RASA2: variants seen among roughly 807,000 people sequenced by gnomAD.
The protein encoded by RASA2 is ras GTPase-activating protein 2.
In RASA2, 155 loss-of-function variants were observed where a neutral mutation model predicts 118.2. The observed-to-expected ratio is 1.31, with a 90% CI of 1.15 to 1.50. The LOEUF is 1.50. Among genes scored for constraint, RASA2 ranks in the 40% most tolerant of loss-of-function variants. The pLI is 0.00. For synonymous variants in RASA2, 353 were observed against 349.1 expected, an observed-to-expected ratio of 1.01 and a Z score of -0.12; for missense variants, 1,016 against 1,009.6, an observed-to-expected ratio of 1.01 and a Z score of -0.09.
At chr3:141,600,351 C>T in intron 19 of RASA2, 1 of 519,570 alleles carries the variant, frequency 1.9e-6, no homozygotes, top group South Asian at 1.5e-5. Flanking sequence ...TAAGCAATTG[C>T]ATGATGAGGG....
chr3:141,487,331 G>A (rs1369769972), intron 1 of RASA2, 115 bp downstream of exon 1: 9 of 1,155,292 alleles, frequency 7.8e-6, no homozygotes, highest in South Asian at 4.2e-5. Flanking sequence ...GGGCCCGGGA[G>A]GGGGCCTGGG....
intron 19 of RASA2, among the ~76,000 whole-genome samples, chr3:141,592,876 GAA>G (rs556617863): frequency 7.1e-6 from 1 of 141,698 alleles, no homozygotes; most frequent in Middle Eastern, 3.3e-3. Context: ...AACTGAACTT[GAA>G]AAAAAAAAAG....
At chr3:141,528,159 G>A (rs892366593) in intron 3 of RASA2, among the ~76,000 whole-genome samples, 9 of 151,486 alleles carry the variant, frequency 5.9e-5, no homozygotes, top group Non-Finnish European at 1.0e-4. Flanking sequence ...GTTACCACTC[G>A]TATTTTTTTA....
At chr3:141,576,978 T>C in intron 14 of RASA2, 22 bp from the exon 15 acceptor site, 3 of 1,475,766 alleles carry the variant, frequency 2.0e-6, no homozygotes, top group South Asian at 1.2e-5. Flanking sequence ...GTGCATGACA[T>C]TTCACCATTT....
intron 15 of RASA2, among the ~76,000 whole-genome samples, chr3:141,580,082 AAAAATATATATATATATATATAT>A (rs1279130770): frequency 1.1e-4 from 11 of 101,412 alleles, no homozygotes; most frequent in Non-Finnish European, 1.2e-4. Context: ...AAAAAAAAAA[AAAAATATATATATATATATATAT>A]ATATATATAT....
In RASA2 at chr3:141,607,673, T is replaced by A; in HGVS notation, c.1934-5T>A. ...TAATTTTGTTTTACTTTTTTTATTATTTAGGCAAAGATGCAATCTACACAA... is the reference window on the plus strand; with the variant it reads ...TAATTTTGTTTTACTTTTTTTATTAATTAGGCAAAGATGCAATCTACACAA... On this transcript the variant is annotated splice_polypyrimidine_tract_variant and splice_region_variant and intron_variant, in intron 19 of 23. Transcript: ENST00000286364. The A allele has an allele frequency of 6.4e-7, 1 of 1,567,768 alleles. No individual in the cohort carries two copies. Among genetic ancestry groups the A allele is most frequent in the Non-Finnish European group, 8.6e-7 (1 of 1,163,654 alleles).
At chr3:141,576,325 G>A (rs1049619767) in intron 14 of RASA2, among the ~76,000 whole-genome samples, 6 of 152,144 alleles carry the variant, frequency 3.9e-5, no homozygotes, top group Admixed American at 3.3e-4. Context: ...CTTGTTAATG[G>A]TTACCTACTG....
chr3:141,553,900 T>C lies in RASA2; in HGVS notation c.571T>C (p.Cys191Arg). The C allele has an allele frequency of 1.2e-6, 2 of 1,612,926 alleles. No individual in the cohort carries two copies. Among genetic ancestry groups the C allele is most frequent in the Non-Finnish European group, 1.7e-6 (2 of 1,179,270 alleles). ...HGLPLINGQS[C>R]DPYATVSLVG... ...GTTGCCTCTCATAAATGGCCAAAGC[T>C]GTGACCCTTATGCAACAGTTTCTCT... is the stretch of plus-strand genomic sequence containing the variant. Residue 191 changes from cysteine (C) to arginine (R), a missense_variant, in exon 6 of 24, where the codon TGT (cysteine) becomes CGT (arginine). Transcript: ENST00000286364.
In RASA2 at chr3:141,487,220, A is replaced by C; in HGVS notation, c.133+4A>C. 1 of 1,408,190 alleles carries C rather than the reference A, an allele frequency of 7.1e-7. No individual in the cohort carries two copies. Among genetic ancestry groups the C allele is most frequent in the Non-Finnish European group, 9.4e-7 (1 of 1,068,426 alleles). The allele number at this position is 1,408,190 out of a possible 1,614,324, so 87.2% of individuals were successfully genotyped here. A position where few individuals can be genotyped will look rare whatever the true frequency, so the allele number is the denominator to read the frequency against. ...CAGAGCCTGCGGGGCAAGATCTGTA[A>C]GCGGGGGCTGGGCTGAGGGGACGCC... On this transcript the variant is annotated splice_donor_region_variant and intron_variant, in intron 1 of 23. Coordinates refer to ENST00000286364, the MANE Select transcript of RASA2 (RefSeq NM_006506.5).
intron 5 of RASA2, 89 bp from the exon 6 acceptor site, chr3:141,553,767 CT>C: frequency 6.6e-7 from 1 of 1,521,556 alleles, no homozygotes; most frequent in South Asian, 1.3e-5. Context: ...AATTCTTAAC[CT>C]TTTGAATGTA....
At position 141,589,075 on chromosome 3, in the gene RASA2, C is replaced by T. The variant is rs531770845; in HGVS notation, c.1933+2323C>T. Among the ~76,000 whole-genome samples, 9 of 152,224 alleles carry T rather than the reference C, an allele frequency of 5.9e-5. No homozygotes were observed. In the South Asian group the frequency reaches 6.2e-4, roughly 11 times the overall value. On this transcript the variant is annotated intron_variant, in intron 19 of 23. Transcript: ENST00000286364. ...CAGGCTGGTCTTGAACTCCTGACCT[C>T]GTGACCTGCCCCCTCAGCCTCCTAA...
At chr3:141,602,678 A>C (rs1365373036) in intron 19 of RASA2, among the ~76,000 whole-genome samples, 1 of 152,138 alleles carries the variant, frequency 6.6e-6, no homozygotes, top group African/African-American at 2.4e-5. Context: ...CTCTAACCCT[A>C]GCTAGCTCCC....
rs1577835826 is a variant in RASA2, at chr3:141,609,531, C to A, written c.2329+8C>A. ...AGCTGCAGAAGATGGAAGGTAAATA[C>A]ACAATCTATTTTTATATAACCATAA... On this transcript the variant is annotated splice_region_variant and intron_variant, in intron 22 of 23. Coordinates refer to ENST00000286364, the MANE Select transcript of RASA2 (RefSeq NM_006506.5). The A allele has an allele frequency of 1.3e-6, 2 of 1,526,284 alleles. No individual in the cohort carries two copies. The highest frequency in any genetic ancestry group is 9.0e-7 in the Non-Finnish European group (1 of 1,105,896). 94.5% of individuals were successfully genotyped at this position (1,526,284 alleles called of 1,614,324 possible).
intron 4 of RASA2, 31 bp from the exon 5 acceptor site, chr3:141,540,502 T>C: frequency 6.5e-7 from 1 of 1,538,224 alleles, no homozygotes; most frequent in South Asian, 1.1e-5. Flanking sequence ...TAAAATAGAC[T>C]ACTCAGTTTG....
At chr3:141,573,918 A>T (rs1009851951) in intron 13 of RASA2, 26 bp from the exon 14 acceptor site, 7 of 1,554,416 alleles carry the variant, frequency 4.5e-6, no homozygotes, top group Non-Finnish European at 6.1e-6. Flanking sequence ...TCAAAATCTT[A>T]ATGTTTACCT....
chr3:141,571,184 A>G lies in RASA2; in HGVS notation c.1020+116A>G, dbSNP rs374000556. The stretch of plus-strand genomic sequence containing the variant: ...CTTATTAAAACAGTAAAAATTATAT[A>G]CATACATATATATACACACACACAT... On this transcript the variant is annotated intron_variant, in intron 10 of 23. Transcript: ENST00000286364. 5 of 1,163,896 alleles carry G rather than the reference A, an allele frequency of 4.3e-6. No homozygotes were observed. The South Asian group carries it at 5.0e-5, about 12-fold the overall frequency. 72.1% of individuals were successfully genotyped at this position (1,163,896 alleles called of 1,614,324 possible). A position where few individuals can be genotyped will look rare whatever the true frequency, so the allele number is the denominator to read the frequency against.
intron 1 of RASA2, among the ~76,000 whole-genome samples, chr3:141,509,381 T>C (rs925810823): frequency 3.9e-5 from 6 of 152,210 alleles, no homozygotes; most frequent in African/African-American, 1.2e-4. Context: ...GAGAGGGAAG[T>C]AGAATATGTG....
intron 1 of RASA2, among the ~76,000 whole-genome samples, chr3:141,502,868 T>G (rs186219916): frequency 1.0e-3 from 155 of 152,272 alleles, no homozygotes; most frequent in African/African-American, 3.6e-3. Flanking sequence ...GTACTTCAGG[T>G]AACCTTTGAA....
At chr3:141,533,976 C>T (rs758157572) in intron 4 of RASA2, among the ~76,000 whole-genome samples, 28 of 152,132 alleles carry the variant, frequency 1.8e-4, no homozygotes, top group Non-Finnish European at 3.4e-4. Context: ...ACCACTCCCT[C>T]CATTTTGAAG....
Sources: gnomAD v4.1 joint callset for allele counts (sites outside exome capture counted in the v4.1 genomes callset) on GRCh38, gnomAD v4.1.1 for gene constraint, MANE v1.5 for transcripts, NCBI Gene and HGNC (gene_info 2026-07-23, HGNC 2026-07-21) for gene names.